FNDC3A: variants seen among roughly 807,000 people sequenced by gnomAD.
FNDC3A encodes fibronectin type-III domain-containing protein 3A.
A neutral mutation model predicts 148.9 loss-of-function variants in FNDC3A; 32 were observed. The observed-to-expected ratio is 0.21, with a 90% confidence interval of 0.16 to 0.29. The LOEUF (loss-of-function observed/expected upper bound fraction) is 0.29. Ranked by LOEUF, FNDC3A falls within the 10% of genes least tolerant of loss-of-function variation. The probability of loss-of-function intolerance (pLI) is 1.00; values close to 1 mark genes in which losing one functional copy is unlikely to be tolerated. For missense variants in FNDC3A, 1,191 were observed against 1,452.8 expected, an observed-to-expected ratio of 0.82 and a Z score of 2.93; for synonymous variants, 472 against 473.6, an observed-to-expected ratio of 1.00 and a Z score of 0.04.
At chr13:48,983,816 A>G (rs1225165622) in intron 1 of FNDC3A, among the ~76,000 whole-genome samples, 1 of 152,232 alleles carries the variant, frequency 6.6e-6, no homozygotes, top group African/African-American at 2.4e-5. Flanking sequence ...AAGCACTTTC[A>G]TTAATAGATA....
chr13:49,186,157 T>C, intron 15 of FNDC3A, 55 bp downstream of exon 15: 1 of 1,388,998 alleles, frequency 7.2e-7, no homozygotes, highest in Middle Eastern at 2.4e-4. Flanking sequence ...TTAAAATAAT[T>C]TGAATATGAA....
chr13:48,988,796 G>A (rs376094325), intron 1 of FNDC3A, among the ~76,000 whole-genome samples: 7 of 151,098 alleles, frequency 4.6e-5, no homozygotes, highest in African/African-American at 1.7e-4. Context: ...AGTGGGCCAT[G>A]ATTGTGCCAC....
chr13:49,162,993 C>T (rs983383335), intron 8 of FNDC3A, among the ~76,000 whole-genome samples: 1 of 152,322 alleles, frequency 6.6e-6, no homozygotes, highest in East Asian at 1.9e-4. Context: ...CTGATCCTTC[C>T]TCTGGAAGCT....
chr13:49,007,454 T>C (rs1194220992), intron 2 of FNDC3A, among the ~76,000 whole-genome samples: 2 of 152,172 alleles, frequency 1.3e-5, no homozygotes, highest in Middle Eastern at 3.2e-3. Context: ...CATTTACTTT[T>C]TGAGGTTGTC....
At chr13:49,058,169 G>A (rs1051400451) in intron 2 of FNDC3A, among the ~76,000 whole-genome samples, 20 of 152,048 alleles carry the variant, frequency 1.3e-4, no homozygotes, top group African/African-American at 3.6e-4. Flanking sequence ...CGAGCTCCCC[G>A]AGTGAGCAAT....
intron 2 of FNDC3A, among the ~76,000 whole-genome samples, chr13:49,026,673 C>G (rs548637006): frequency 6.6e-6 from 1 of 152,106 alleles, no homozygotes; most frequent in East Asian, 1.9e-4. Context: ...CCAGCTAATT[C>G]TGTTATTTTT....
intron 2 of FNDC3A, among the ~76,000 whole-genome samples, chr13:49,062,798 T>C (rs1049611553): frequency 2.6e-5 from 4 of 152,222 alleles, no homozygotes; most frequent in Non-Finnish European, 5.9e-5. Context: ...TGGGAACTCC[T>C]TGATGCCTTG....
At chr13:49,019,447 C>T (rs1046356269) in intron 2 of FNDC3A, among the ~76,000 whole-genome samples, 4 of 152,234 alleles carry the variant, frequency 2.6e-5, no homozygotes, top group Admixed American at 6.5e-5. Context: ...GGCAATGCCT[C>T]GCCCTGCTTC....
intron 2 of FNDC3A, among the ~76,000 whole-genome samples, chr13:49,008,198 G>A (rs1247953317): frequency 6.6e-6 from 1 of 152,080 alleles, no homozygotes; most frequent in Non-Finnish European, 1.5e-5. Context: ...AATAAGCAGT[G>A]GATCAGAAAA....
At chr13:49,138,913 C>A in intron 7 of FNDC3A, 108 bp downstream of exon 7, 1 of 550,114 alleles carries the variant, frequency 1.8e-6, no homozygotes, top group Non-Finnish European at 3.2e-6. Context: ...AAAATAGGAT[C>A]ATACTGTATT....
intron 4 of FNDC3A, among the ~76,000 whole-genome samples, chr13:49,120,489 A>T (rs968961760): frequency 6.6e-6 from 1 of 152,204 alleles, no homozygotes; most frequent in Non-Finnish European, 1.5e-5. Context: ...CACACATAAC[A>T]GTATTAATCT....
intron 5 of FNDC3A, among the ~76,000 whole-genome samples, chr13:49,132,132 GT>G (rs1352099299): frequency 3.3e-5 from 5 of 152,084 alleles, no homozygotes; most frequent in Admixed American, 6.5e-5. Context: ...ATTAGTATCA[GT>G]TTTATTTTCA....
At chr13:49,173,957 A>G (rs1884894921) in intron 11 of FNDC3A, among the ~76,000 whole-genome samples, 1 of 152,186 alleles carries the variant, frequency 6.6e-6, no homozygotes, top group South Asian at 2.1e-4. Context: ...TGTTAATCTA[A>G]GCAGTAGAAG....
At chr13:49,191,647 C>A (rs1885894368) in intron 19 of FNDC3A, among the ~76,000 whole-genome samples, 1 of 152,096 alleles carries the variant, frequency 6.6e-6, no homozygotes, top group Admixed American at 6.6e-5. Context: ...ACCTTTTAGG[C>A]AGTGTTAATA....
chr13:49,129,350 A>G (rs898127880), intron 4 of FNDC3A, among the ~76,000 whole-genome samples: 2 of 152,240 alleles, frequency 1.3e-5, no homozygotes, highest in East Asian at 1.9e-4. Flanking sequence ...ATTTGTTGCA[A>G]AAGAACGATA....
chr13:49,187,211 C>T lies in FNDC3A; in HGVS notation c.1825+21C>T, dbSNP rs538693467. ...TAACGGTATGAATGGATATTAAACA[C>T]TGATAGATTTATTCCAGCCAGTCTC... On this transcript the variant is annotated intron_variant, in intron 16 of 25. Coordinates refer to ENST00000492622, the MANE Select transcript of FNDC3A (RefSeq NM_001079673.2). The T allele has an allele frequency of 4.3e-5, 64 of 1,482,428 alleles. No homozygotes were observed. The Admixed American group carries it at 1.1e-3, about 26-fold the overall frequency. 91.8% of individuals were successfully genotyped at this position (1,482,428 alleles called of 1,614,324 possible). A position where few individuals can be genotyped will look rare whatever the true frequency, so the allele number is the denominator to read the frequency against.
chr13:49,177,228 G>A (rs1885075058), intron 13 of FNDC3A, among the ~76,000 whole-genome samples: 1 of 152,204 alleles, frequency 6.6e-6, no homozygotes, highest in Non-Finnish European at 1.5e-5. Context: ...AAACTATGAG[G>A]AGGGGAAGAT....
chr13:49,088,847 T>G (rs1042880145), intron 3 of FNDC3A, among the ~76,000 whole-genome samples: 2 of 152,150 alleles, frequency 1.3e-5, no homozygotes, highest in African/African-American at 2.4e-5. Context: ...TTTACAGGCA[T>G]GAGGCACTGC....
At chr13:49,012,805 A>ATTGTGTGTGTG (rs1555277951) in intron 2 of FNDC3A, among the ~76,000 whole-genome samples, 1 of 134,524 alleles carries the variant, frequency 7.4e-6, no homozygotes, top group African/African-American at 2.9e-5. Context: ...GCAATTATAA[A>ATTGTGTGTGTG]TGTGTGTGTG....
Sources: allele counts gnomAD v4.1 joint callset (sites outside exome capture counted in the v4.1 genomes callset), GRCh38; gene constraint gnomAD v4.1.1; transcripts MANE v1.5; gene names NCBI Gene and HGNC (gene_info 2026-07-23, HGNC 2026-07-21).